PRKG2: variants seen among roughly 807,000 people sequenced by gnomAD.
The protein encoded by PRKG2 is protein kinase cGMP-dependent 2.
In PRKG2, 33 loss-of-function variants were observed where a neutral mutation model predicts 97.2. The observed-to-expected ratio is 0.34, with a 90% confidence interval of 0.26 to 0.45. The LOEUF is 0.45. Among genes scored for constraint, PRKG2 ranks in the 20% least tolerant of loss-of-function variants. The pLI is 1.00. For missense variants in PRKG2, 638 were observed against 900.0 expected, an observed-to-expected ratio of 0.71 and a Z score of 3.73; for synonymous variants, 330 against 321.8, an observed-to-expected ratio of 1.03 and a Z score of -0.27.
chr4:81,109,011 A>G (rs1315632354), intron 15 of PRKG2, among the ~76,000 whole-genome samples: 2 of 152,220 alleles, frequency 1.3e-5, no homozygotes, highest in Non-Finnish European at 2.9e-5. Flanking sequence ...GCCAGCATGT[A>G]TCTCTTACAA....
rs115546077 is a variant in PRKG2 at position 81,195,847 on chromosome 4, T to C, written c.461+8740A>G. ...ATAAGCATGGATGTACAAGATTTTT[T>C]ATGCATGGCTTTACCTACCCGGCAT... On this transcript the variant is annotated intron_variant, in intron 2 of 18. Coordinates refer to ENST00000264399, the MANE Select transcript of PRKG2 (RefSeq NM_006259.3). 2.6e-3 allele frequency among the ~76,000 whole-genome samples: 389 copies of C among 152,334 alleles called. 2 individuals carry two copies. Among genetic ancestry groups the C allele is most frequent in the African/African-American group, 8.9e-3 (370 of 41,570 alleles).
intron 17 of PRKG2, among the ~76,000 whole-genome samples, chr4:81,099,801 T>C (rs2109957852): frequency 6.6e-6 from 1 of 152,320 alleles, no homozygotes; most frequent in African/African-American, 2.4e-5. Flanking sequence ...CATGATTGTG[T>C]ATCTAGGAAA....
intron 1 of PRKG2, among the ~76,000 whole-genome samples, chr4:81,206,555 A>G (rs1286572223): frequency 6.6e-6 from 1 of 152,184 alleles, no homozygotes; most frequent in African/African-American, 2.4e-5. Flanking sequence ...TGTCTTTATT[A>G]TAATAGCAAC....
chr4:81,130,498 C>G lies in PRKG2; in HGVS notation c.1776+4657G>C, dbSNP rs371326974. 3.9e-5 allele frequency among the ~76,000 whole-genome samples: 6 copies of G among 152,286 alleles called. No homozygotes were observed. The East Asian group carries it at 7.7e-4, about 20-fold the overall frequency. On this transcript the variant is annotated intron_variant, in intron 14 of 18. Coordinates refer to ENST00000264399, the MANE Select transcript of PRKG2 (RefSeq NM_006259.3). The stretch of plus-strand genomic sequence containing the variant: ...ACCCACTTGAGGAGGCAGTCTGTCC[C>G]TTAGCAGAGCTCGAGCTCTGTTCTG...
intron 11 of PRKG2, 99 bp downstream of exon 11, chr4:81,142,695 G>A: frequency 7.6e-7 from 1 of 1,320,946 alleles, no homozygotes; most frequent in Non-Finnish European, 1.0e-6. Flanking sequence ...ATTTAAGATA[G>A]CAGTAACAAT....
At chr4:81,198,492 C>T (rs1160020755) in intron 2 of PRKG2, among the ~76,000 whole-genome samples, 1 of 152,072 alleles carries the variant, frequency 6.6e-6, no homozygotes, top group Non-Finnish European at 1.5e-5. Context: ...ACCACCCACC[C>T]TACCTCACCC....
intron 6 of PRKG2, among the ~76,000 whole-genome samples, chr4:81,156,134 C>T (rs1749069026): frequency 6.6e-6 from 1 of 152,096 alleles, no homozygotes; most frequent in Non-Finnish European, 1.5e-5. Flanking sequence ...CACAGACTGG[C>T]AAATTGGATA....
intron 6 of PRKG2, among the ~76,000 whole-genome samples, chr4:81,155,708 C>A (rs1475138647): frequency 8.6e-5 from 13 of 150,488 alleles, no homozygotes; most frequent in African/African-American, 3.2e-4. Context: ...AAAGGGAAGC[C>A]CATCAGACTA....
intron 2 of PRKG2, among the ~76,000 whole-genome samples, chr4:81,201,084 G>A (rs545118101): frequency 2.0e-5 from 3 of 152,286 alleles, no homozygotes; most frequent in Non-Finnish European, 2.9e-5. Flanking sequence ...TCTACAAAGG[G>A]TTCCCAAACT....
chr4:81,143,927 C>A (rs560244418), intron 10 of PRKG2, among the ~76,000 whole-genome samples: 2 of 152,226 alleles, frequency 1.3e-5, no homozygotes, highest in African/African-American at 4.8e-5. Context: ...ATATTAATGT[C>A]TTTTTGAGCT....
intron 12 of PRKG2, among the ~76,000 whole-genome samples, chr4:81,139,058 T>G (rs1746994361): frequency 6.6e-6 from 1 of 152,178 alleles, no homozygotes; most frequent in South Asian, 2.1e-4. Flanking sequence ...TGGGGCATTA[T>G]AACATATATG....
intron 1 of PRKG2, among the ~76,000 whole-genome samples, chr4:81,208,086 T>G (rs1753775886): frequency 6.6e-6 from 1 of 152,216 alleles, no homozygotes; most frequent in African/African-American, 2.4e-5. Context: ...GATCAGAATT[T>G]AACATGAGCA....
intron 3 of PRKG2, among the ~76,000 whole-genome samples, chr4:81,174,304 GTTTTC>G (rs1380286010): frequency 1.3e-5 from 2 of 152,014 alleles, no homozygotes; most frequent in Non-Finnish European, 2.9e-5. Context: ...AATAATAATT[GTTTTC>G]TTTTCTCCTG....
intron 14 of PRKG2, among the ~76,000 whole-genome samples, chr4:81,134,847 A>C (rs762296375): frequency 1.3e-4 from 20 of 152,332 alleles, no homozygotes; most frequent in Non-Finnish European, 1.2e-4. Flanking sequence ...ATGTATAGCA[A>C]GAATCAATTT....
intron 10 of PRKG2, among the ~76,000 whole-genome samples, chr4:81,143,712 T>A (rs1236627451): frequency 6.6e-6 from 1 of 152,176 alleles, no homozygotes; most frequent in Non-Finnish European, 1.5e-5. Flanking sequence ...TGCTTAAGCA[T>A]TCACTCTAAA....
intron 5 of PRKG2, among the ~76,000 whole-genome samples, chr4:81,168,103 A>C (rs1750147892): frequency 1.3e-5 from 2 of 152,140 alleles, no homozygotes; most frequent in South Asian, 4.1e-4. Context: ...ATCTCACTAT[A>C]GATGAAATGG....
chr4:81,144,193 G>A (rs1388717943), intron 10 of PRKG2, 39 bp downstream of exon 10: 14 of 1,540,736 alleles, frequency 9.1e-6, no homozygotes, highest in Non-Finnish European at 1.3e-5. Flanking sequence ...TTGGCTGCCA[G>A]AAGTCAGCTC....
chr4:81,181,694 T>C (rs1751426192), intron 2 of PRKG2, among the ~76,000 whole-genome samples: 2 of 143,344 alleles, frequency 1.4e-5, no homozygotes, highest in African/African-American at 5.9e-5. Flanking sequence ...AAGACATCAC[T>C]ATGGATATTA....
intron 8 of PRKG2, among the ~76,000 whole-genome samples, chr4:81,150,987 TG>T (rs1748343703): frequency 6.6e-6 from 1 of 152,162 alleles, no homozygotes; most frequent in Non-Finnish European, 1.5e-5. Context: ...TTTATTTTTT[TG>T]GTTTTCTTTA....
Sources: allele counts gnomAD v4.1 joint callset (sites outside exome capture counted in the v4.1 genomes callset), GRCh38; gene constraint gnomAD v4.1.1; transcripts MANE v1.5; gene names NCBI Gene and HGNC (gene_info 2026-07-23, HGNC 2026-07-21).